The following NRCAM variants were observed in gnomAD, a reference collection of about 807,000 sequenced individuals.
NRCAM encodes the protein NgCAM-related cell adhesion molecule.
A neutral mutation model predicts 156.5 loss-of-function variants in NRCAM; 83 were observed. The observed-to-expected ratio is 0.53, with a 90% CI of 0.44 to 0.64. The LOEUF (loss-of-function observed/expected upper bound fraction) is 0.64, where lower values mean the gene tolerates loss of function less well. Ranked by LOEUF, NRCAM falls within the 30% of genes least tolerant of loss-of-function variation. The pLI, the probability that NRCAM is intolerant of heterozygous loss-of-function variation, is 0.00. For synonymous variants in NRCAM, 538 were observed against 563.9 expected (o/e 0.95, Z 0.65); for missense variants, 1,417 against 1,597.3 (o/e 0.89, Z 1.92).
chr7:108,244,048 GCTTA>G (rs2095724323), intron 3 of NRCAM, among the ~76,000 whole-genome samples: 2 of 152,052 alleles, frequency 1.3e-5, no homozygotes, highest in South Asian at 4.1e-4. Context: ...CTCTCCTGTT[GCTTA>G]CTTAAGAAGT....
chr7:108,251,841 G>A (rs139155122), intron 3 of NRCAM, among the ~76,000 whole-genome samples: 1 of 152,272 alleles, frequency 6.6e-6, no homozygotes, highest in East Asian at 1.9e-4. Context: ...GATAATATGA[G>A]AGGCAACATT....
At chr7:108,270,525 C>T (rs576425396) in intron 3 of NRCAM, among the ~76,000 whole-genome samples, 4 of 151,564 alleles carry the variant, frequency 2.6e-5, no homozygotes, top group South Asian at 2.1e-4. Context: ...TTTTTTAAGA[C>T]GAGCACCTCT....
chr7:108,393,359 C>T (rs1014563800), intron 2 of NRCAM, among the ~76,000 whole-genome samples: 4 of 152,162 alleles, frequency 2.6e-5, no homozygotes, highest in African/African-American at 7.2e-5. Context: ...GTGGGACCCT[C>T]CGAGCCAGGT....
At chr7:108,207,700 A>G (rs1431513842) in intron 12 of NRCAM, 41 bp from the exon 13 acceptor site, 1 of 1,560,406 alleles carries the variant, frequency 6.4e-7, no homozygotes, top group Admixed American at 1.9e-5. Flanking sequence ...TCTGAATCAA[A>G]TAAGCATTTT....
intron 2 of NRCAM, among the ~76,000 whole-genome samples, chr7:108,378,656 C>G (rs1350428608): frequency 2.8e-5 from 4 of 143,946 alleles, no homozygotes; most frequent in African/African-American, 1.0e-4. Flanking sequence ...CACACACACA[C>G]ACACACACAC....
At chr7:108,449,398 A>G (rs1254396450) in intron 1 of NRCAM, among the ~76,000 whole-genome samples, 1 of 152,168 alleles carries the variant, frequency 6.6e-6, no homozygotes, top group African/African-American at 2.4e-5. Context: ...CCAAGACAAC[A>G]GCCCAGCAAG....
At chr7:108,264,083 T>A (rs2096989709) in intron 3 of NRCAM, among the ~76,000 whole-genome samples, 1 of 152,154 alleles carries the variant, frequency 6.6e-6, no homozygotes, top group African/African-American at 2.4e-5. Flanking sequence ...GTTCAAGCGA[T>A]TCTCCTGCCT....
intron 2 of NRCAM, among the ~76,000 whole-genome samples, chr7:108,385,129 G>A (rs2099736097): frequency 6.6e-6 from 1 of 152,212 alleles, no homozygotes; most frequent in South Asian, 2.1e-4. Flanking sequence ...AAGGCGTTAT[G>A]AGGAATAGAT....
At chr7:108,378,749 A>C (rs1026067630) in intron 2 of NRCAM, among the ~76,000 whole-genome samples, 4 of 151,934 alleles carry the variant, frequency 2.6e-5, no homozygotes, top group Non-Finnish European at 5.9e-5. Context: ...AAAAAACCTC[A>C]GAGCCAGACA....
chr7:108,217,510 T>TGCGCCCACAGCTGCCCCTTCCCCCAG (rs1563502524), intron 11 of NRCAM, among the ~76,000 whole-genome samples: 1 of 152,228 alleles, frequency 6.6e-6, no homozygotes, highest in Non-Finnish European at 1.5e-5. Context: ...CTGCTGAAGC[T>TGCGCCCACAGCTGCCCCTTCCCCCAG]GCGCCCACAG....
chr7:108,355,581 A>G (rs997299977), intron 2 of NRCAM, among the ~76,000 whole-genome samples: 21 of 152,238 alleles, frequency 1.4e-4, no homozygotes, highest in African/African-American at 4.8e-4. Flanking sequence ...AGTTCCAGAA[A>G]TAATCCATAG....
chr7:108,191,648 A>G (rs1431319198), intron 18 of NRCAM, 81 bp downstream of exon 18: 5 of 1,441,768 alleles, frequency 3.5e-6, no homozygotes, highest in East Asian at 2.5e-5. Flanking sequence ...CAAATATTTG[A>G]TATTTATAAT....
At chr7:108,381,822 T>C (rs982315093) in intron 2 of NRCAM, among the ~76,000 whole-genome samples, 5 of 152,024 alleles carry the variant, frequency 3.3e-5, no homozygotes, top group African/African-American at 7.2e-5. Flanking sequence ...CAGCCTCCAA[T>C]AGTGCTGGGA....
chr7:108,253,889 A>G (rs1259784349), intron 3 of NRCAM, among the ~76,000 whole-genome samples: 1 of 152,166 alleles, frequency 6.6e-6, no homozygotes, highest in Non-Finnish European at 1.5e-5. Flanking sequence ...CCAAGTTACA[A>G]TTATTTACAA....
At chr7:108,353,277 C>T (rs2099436945) in intron 2 of NRCAM, among the ~76,000 whole-genome samples, 1 of 152,082 alleles carries the variant, frequency 6.6e-6, no homozygotes, top group African/African-American at 2.4e-5. Context: ...ATTTTAGAAT[C>T]CTAAATCCTG....
chr7:108,287,943 A>G (rs1363367738), intron 3 of NRCAM, among the ~76,000 whole-genome samples: 1 of 152,188 alleles, frequency 6.6e-6, no homozygotes, highest in Non-Finnish European at 1.5e-5. Context: ...CACTATTCAT[A>G]ATAGCAAAGT....
intron 2 of NRCAM, among the ~76,000 whole-genome samples, chr7:108,389,441 T>A (rs899254079): frequency 1.3e-5 from 2 of 152,202 alleles, no homozygotes; most frequent in Non-Finnish European, 2.9e-5. Flanking sequence ...CTAATCAGCT[T>A]AAGGAGATTT....
chr7:108,260,355 GTATT>G lies in NRCAM; in HGVS notation c.-106-20189_-106-20186del, dbSNP rs538606530. Among the ~76,000 whole-genome samples, 304 of 152,218 alleles carry G rather than the reference GTATT, an allele frequency of 2.0e-3. 1 individual carries two copies. The highest frequency in any genetic ancestry group is 7.0e-3 in the African/African-American group (291 of 41,504). On this transcript the variant is annotated intron_variant, in intron 3 of 32. Coordinates refer to ENST00000379028, the MANE Select transcript of NRCAM (RefSeq NM_001037132.4). The stretch of plus-strand genomic sequence containing the variant: ...CTGGCCCACAGTAAACACCTAAAGA[GTATT>G]TATTGAAAAAAATGAATGGGTTGTT...
intron 13 of NRCAM, 145 bp from the exon 14 acceptor site, chr7:108,198,244 C>T (rs1000305535): frequency 5.5e-6 from 3 of 546,610 alleles, no homozygotes; most frequent in African/African-American, 1.9e-5. Flanking sequence ...GAAACCAGAA[C>T]ATTTTCCTTC....
Sources: gnomAD v4.1 joint callset for allele counts (sites outside exome capture counted in the v4.1 genomes callset) on GRCh38, gnomAD v4.1.1 for gene constraint, MANE v1.5 for transcripts, NCBI Gene and HGNC (gene_info 2026-07-23, HGNC 2026-07-21) for gene names.